Variants in USH2A observed in about 807,000 individuals in gnomAD.
The protein encoded by USH2A is usherin.
USH2A carries 443 observed loss-of-function variants against 538.9 expected under a neutral mutation model. The ratio of observed to expected loss-of-function variants is 0.82; its 90% confidence interval spans 0.76 to 0.89. USH2A has a LOEUF of 0.89. USH2A is among the 40% of genes least tolerant of loss of function. The pLI, the probability that USH2A is intolerant of heterozygous loss-of-function variation, is 0.00. For missense variants in USH2A, 6,633 were observed against 6,324.8 expected, an observed-to-expected ratio of 1.05 and a Z score of -1.65; for synonymous variants, 2,413 against 2,273.5, an observed-to-expected ratio of 1.06 and a Z score of -1.75.
chr1:215,815,552 A>G (rs1325916715), intron 48 of USH2A, among the ~76,000 whole-genome samples: 1 of 152,048 alleles, frequency 6.6e-6, no homozygotes, highest in Non-Finnish European at 1.5e-5. Flanking sequence ...TAAATTTTTA[A>G]AAGTTACAAA....
intron 4 of USH2A, among the ~76,000 whole-genome samples, chr1:216,346,212 A>G (rs972860511): frequency 3.9e-5 from 6 of 152,140 alleles, no homozygotes; most frequent in Non-Finnish European, 7.4e-5. Context: ...AAGAAATTTA[A>G]GAGGACTTTT....
intron 3 of USH2A, among the ~76,000 whole-genome samples, chr1:216,398,522 G>GA (rs2039254632): frequency 6.8e-6 from 1 of 146,232 alleles, no homozygotes; most frequent in African/African-American, 2.6e-5. Flanking sequence ...AACTCCAATG[G>GA]AAAAACCAAA....
intron 43 of USH2A, among the ~76,000 whole-genome samples, chr1:215,868,957 T>C (rs998170140): frequency 1.3e-5 from 2 of 152,238 alleles, no homozygotes; most frequent in Non-Finnish European, 2.9e-5. Context: ...TTCTGTTGTT[T>C]CAAGCCACCC....
At chr1:216,277,290 C>T (rs567877068) in intron 11 of USH2A, among the ~76,000 whole-genome samples, 43 of 152,196 alleles carry the variant, frequency 2.8e-4, no homozygotes, top group African/African-American at 9.1e-4. Flanking sequence ...GTTCCTGGGG[C>T]TTCTCTCTCA....
chr1:216,389,920 T>C (rs1378615248), intron 3 of USH2A, among the ~76,000 whole-genome samples: 2 of 152,140 alleles, frequency 1.3e-5, no homozygotes, highest in Non-Finnish European at 2.9e-5. Context: ...AACAAAATAA[T>C]AGTGACTTAC....
intron 64 of USH2A, among the ~76,000 whole-genome samples, chr1:215,659,644 G>T (rs1168757704): frequency 2.0e-5 from 3 of 151,834 alleles, no homozygotes; most frequent in Non-Finnish European, 2.9e-5. Context: ...AGTTTTTTTT[G>T]TTGTTGTTTG....
chr1:216,190,886 A>T (rs2102655773), intron 19 of USH2A, among the ~76,000 whole-genome samples: 1 of 152,244 alleles, frequency 6.6e-6, no homozygotes, highest in Non-Finnish European at 1.5e-5. Flanking sequence ...CATATTACTG[A>T]GCATCCACGT....
At chr1:215,788,509 TA>T (rs35651431) in intron 51 of USH2A, among the ~76,000 whole-genome samples, 29 of 150,886 alleles carry the variant, frequency 1.9e-4, no homozygotes, top group African/African-American at 2.9e-4. Flanking sequence ...AATTGTAATG[TA>T]AAAAAAAAAT....
At position 215,917,855 on chromosome 1, in the gene USH2A, C is replaced by G. The variant is rs186584000; in HGVS notation, c.7300+16761G>C. Among the ~76,000 whole-genome samples, 689 of 149,504 alleles carry G rather than the reference C, an allele frequency of 4.6e-3. 1 individual carries two copies. Among genetic ancestry groups the G allele is most frequent in the Admixed American group, 6.9e-3 (104 of 14,966 alleles). On this transcript the variant is annotated intron_variant, in intron 38 of 71. Coordinates refer to ENST00000307340, the MANE Select transcript of USH2A (RefSeq NM_206933.4). ...GTGCATGCCTGTATTGCCAGCTACTCAGGATGCTGAGGTGGGACAATTGCT... is the reference window on the plus strand; with the variant it reads ...GTGCATGCCTGTATTGCCAGCTACTGAGGATGCTGAGGTGGGACAATTGCT...
At chr1:215,731,024 T>C (rs748719898) in intron 60 of USH2A, among the ~76,000 whole-genome samples, 7 of 152,220 alleles carry the variant, frequency 4.6e-5, no homozygotes, top group African/African-American at 9.6e-5. Context: ...TGATGGTCTA[T>C]GGGGAAGTAA....
chr1:216,102,671 G>A (rs1265744764), intron 21 of USH2A, among the ~76,000 whole-genome samples: 1 of 152,014 alleles, frequency 6.6e-6, no homozygotes, highest in Non-Finnish European at 1.5e-5. Flanking sequence ...GTCGTGGCGG[G>A]CGCCTGTAGT....
chr1:215,910,592 G>A (rs530233475), intron 38 of USH2A, among the ~76,000 whole-genome samples: 1 of 151,990 alleles, frequency 6.6e-6, no homozygotes, highest in East Asian at 1.9e-4. Context: ...GTTTGCTATT[G>A]TTATGATCTT....
intron 4 of USH2A, among the ~76,000 whole-genome samples, chr1:216,339,736 T>C (rs376453531): frequency 2.0e-5 from 3 of 152,070 alleles, no homozygotes; most frequent in East Asian, 3.9e-4. Flanking sequence ...GAACGACTCC[T>C]GGGTAAATAA....
chr1:215,849,435 G>T (rs890259079), intron 44 of USH2A, among the ~76,000 whole-genome samples: 1 of 152,142 alleles, frequency 6.6e-6, no homozygotes, highest in Non-Finnish European at 1.5e-5. Context: ...AAGCAGAAAT[G>T]AGCAGAGTTA....
rs12569147 is a variant in USH2A, at chr1:216,167,008, A to G, written c.4627+8244T>C. ...CATGCCTTTATTTTGAAGTTGCACT[A>G]AAGTCAAAGAATTTCCAAATGGAAA... On this transcript the variant is annotated intron_variant, in intron 21 of 71. Transcript: ENST00000307340. Among the ~76,000 whole-genome samples the G allele has an allele frequency of 2.0e-4, 30 of 152,184 alleles. No homozygotes were observed. The East Asian group carries it at 5.0e-3, about 26-fold the overall frequency.
chr1:216,214,346 C>T (rs1215279723), intron 15 of USH2A, among the ~76,000 whole-genome samples: 1 of 152,024 alleles, frequency 6.6e-6, no homozygotes, highest in Non-Finnish European at 1.5e-5. Flanking sequence ...TAAAATACTA[C>T]TCAGCAATTA....
At chr1:215,827,746 C>T (rs1663195911) in intron 47 of USH2A, among the ~76,000 whole-genome samples, 1 of 152,032 alleles carries the variant, frequency 6.6e-6, no homozygotes, top group South Asian at 2.1e-4. Context: ...TAAAAATAGT[C>T]TACAATTGCC....
At chr1:215,991,592 T>C (rs531830563) in intron 35 of USH2A, among the ~76,000 whole-genome samples, 1 of 152,350 alleles carries the variant, frequency 6.6e-6, no homozygotes, top group East Asian at 1.9e-4. Context: ...CATGGAAGTG[T>C]CAATACAAAT....
At chr1:216,176,669 G>A (rs148543768) in intron 20 of USH2A, among the ~76,000 whole-genome samples, 6 of 152,140 alleles carry the variant, frequency 3.9e-5, no homozygotes, top group African/African-American at 1.4e-4. Flanking sequence ...CTATTACACA[G>A]AAAATTTTCC....
Sources: gnomAD v4.1 joint callset for allele counts (sites outside exome capture counted in the v4.1 genomes callset) on GRCh38, gnomAD v4.1.1 for gene constraint, MANE v1.5 for transcripts, NCBI Gene and HGNC (gene_info 2026-07-23, HGNC 2026-07-21) for gene names.